The following CDH18 variants were observed in gnomAD, a reference collection of about 807,000 sequenced individuals.
The protein encoded by CDH18 is cadherin-18.
A neutral mutation model predicts 67.9 loss-of-function variants in CDH18; 31 were observed. The ratio of observed to expected loss-of-function variants is 0.46; its 90% CI spans 0.34 to 0.62. The LOEUF (loss-of-function observed/expected upper bound fraction) is 0.62, where lower values mean the gene tolerates loss of function less well. Ranked by LOEUF, CDH18 falls within the 20% of genes least tolerant of loss-of-function variation. CDH18 has a pLI of 0.01. For synonymous variants in CDH18, 362 were observed against 347.2 expected (o/e 1.04, Z -0.48); for missense variants, 890 against 975.5 (o/e 0.91, Z 1.17).
intron 1 of CDH18, among the ~76,000 whole-genome samples, chr5:20,398,191 G>A (rs1745442390): frequency 6.6e-6 from 1 of 152,076 alleles, no homozygotes; most frequent in Non-Finnish European, 1.5e-5. Flanking sequence ...TATTAAGTGT[G>A]TGGTATTTTA....
chr5:19,631,759 A>G (rs1440465625), intron 5 of CDH18, among the ~76,000 whole-genome samples: 1 of 152,150 alleles, frequency 6.6e-6, no homozygotes, highest in Admixed American at 6.5e-5. Context: ...TATCATTGGC[A>G]TTTATATGTG....
intron 1 of CDH18, among the ~76,000 whole-genome samples, chr5:20,385,212 T>C (rs1744220530): frequency 6.6e-6 from 1 of 152,124 alleles, no homozygotes; most frequent in Non-Finnish European, 1.5e-5. Context: ...GAGAAATCCA[T>C]AAAACACCAA....
intron 1 of CDH18, among the ~76,000 whole-genome samples, chr5:20,381,033 C>T (rs1580868281): frequency 1.3e-5 from 2 of 151,976 alleles, no homozygotes; most frequent in Non-Finnish European, 1.5e-5. Flanking sequence ...CCTAATCCAG[C>T]CTCACATCTG....
rs1428417029 is a variant in CDH18, at chr5:20,195,855, T to C, written c.-518+59589A>G. On this transcript the variant is annotated intron_variant, in intron 2 of 14. Coordinates refer to the CDH18 transcript ENST00000507958. Reference sequence around the variant, plus strand: ...GCTTTTGTAAATATTGAGACACTTTTACTTAATCACTTAATGGAAAGTGTG... The same window carrying C: ...GCTTTTGTAAATATTGAGACACTTTCACTTAATCACTTAATGGAAAGTGTG... Among the ~76,000 whole-genome samples the C allele has an allele frequency of 3.3e-5, 5 of 152,182 alleles. No homozygotes were observed. The East Asian group carries it at 9.6e-4, about 29-fold the overall frequency.
rs138793136 is a variant in CDH18, at chr5:19,730,353, T to C, written c.524-8887A>G. 8.9e-3 allele frequency among the ~76,000 whole-genome samples: 1,355 copies of C among 152,328 alleles called. 15 individuals are homozygous for C. Among genetic ancestry groups the C allele is most frequent in the Non-Finnish European group, 0.011 (727 of 68,026 alleles). ...TCTCCCCAATGCTCCTTTATCCATT[T>C]TGAAAGTAATGACTACACACTACCA... On this transcript the variant is annotated intron_variant, in intron 4 of 12. Transcript: ENST00000382275.
chr5:19,724,378 G>T (rs76823816), intron 4 of CDH18, among the ~76,000 whole-genome samples: 87 of 152,272 alleles, frequency 5.7e-4, no homozygotes, highest in African/African-American at 2.0e-3. Context: ...GAGCAAGGAA[G>T]TTTGGTATAG....
chr5:20,068,975 A>C (rs1743208159), intron 2 of CDH18, among the ~76,000 whole-genome samples: 1 of 152,150 alleles, frequency 6.6e-6, no homozygotes, highest in Non-Finnish European at 1.5e-5. Context: ...GTCACGCTGA[A>C]ATTTTTTTGC....
At chr5:19,727,382 C>T (rs1270329707) in intron 4 of CDH18, among the ~76,000 whole-genome samples, 1 of 152,128 alleles carries the variant, frequency 6.6e-6, no homozygotes, top group Non-Finnish European at 1.5e-5. Flanking sequence ...ACAGGCATAA[C>T]ATCATGTGAA....
At chr5:19,622,448 G>A (rs1399032167) in intron 5 of CDH18, among the ~76,000 whole-genome samples, 1 of 152,104 alleles carries the variant, frequency 6.6e-6, no homozygotes, top group Non-Finnish European at 1.5e-5. Flanking sequence ...AGGGATTAAC[G>A]AAGCCTCCTA....
rs1413098361 is a variant in CDH18 at position 19,591,154 on chromosome 5, G to C, written c.902C>G (p.Ala301Gly). The C allele has an allele frequency of 6.2e-7, 1 of 1,612,218 alleles. No homozygotes were observed. The highest frequency in any genetic ancestry group is 8.5e-7 in the Non-Finnish European group (1 of 1,178,700). ...KANDADTGSN[A>G]DMTYSIINGD... ...ATTTATGATGGAGTAGGTCATGTCA[G>C]CATTTGAGCCAGTGTCAGCATCATT... is the stretch of plus-strand genomic sequence containing the variant. The change falls in exon 7 of 13, where the codon GCT becomes GGT. Residue 301 changes from alanine to glycine, a missense_variant. Ala to Gly is a moderately conservative substitution (Grantham distance 60). This residue lies in a region of CDH18 where 656 missense variants were observed against 668.1 expected (regional missense o/e 0.98). Coordinates refer to ENST00000382275, the MANE Select transcript of CDH18 (RefSeq NM_004934.5).
In CDH18 at chr5:20,034,608, G is replaced by A. The variant is rs78628869; in HGVS notation, c.-517-42594C>T. Among the ~76,000 whole-genome samples the A allele has an allele frequency of 0.022, 3,388 of 152,130 alleles. 186 individuals carry two copies. The East Asian group carries it at 0.25, about 11-fold the overall frequency. ...AGGTCTGAATATTTTCTCTGCCTGAGTTTCTTCAAGCTAGGACATCAGCCT... is the reference window on the plus strand; with the variant it reads ...AGGTCTGAATATTTTCTCTGCCTGAATTTCTTCAAGCTAGGACATCAGCCT... On this transcript the variant is annotated intron_variant, in intron 2 of 14. Transcript: ENST00000507958.
chr5:20,398,200 T>A (rs1179607899), intron 1 of CDH18, among the ~76,000 whole-genome samples: 2 of 152,200 alleles, frequency 1.3e-5, no homozygotes, highest in African/African-American at 4.8e-5. Flanking sequence ...TGTGGTATTT[T>A]AAATTATTAT....
intron 2 of CDH18, among the ~76,000 whole-genome samples, chr5:20,108,015 T>G (rs1747121844): frequency 6.6e-6 from 1 of 150,864 alleles, no homozygotes; most frequent in South Asian, 2.1e-4. Flanking sequence ...TCATATTGAA[T>G]GGGGATTAGG....
intron 1 of CDH18, among the ~76,000 whole-genome samples, chr5:20,341,862 G>C (rs1278583239): frequency 6.6e-6 from 1 of 152,024 alleles, no homozygotes; most frequent in Non-Finnish European, 1.5e-5. Flanking sequence ...CTGATCATGA[G>C]AAGCAAGGAG....
Position 20,433,400 on chromosome 5 carries a change from G to A in CDH18, c.-580+142062C>T, listed in dbSNP as rs530646152. On this transcript the variant is annotated intron_variant, in intron 1 of 14. Coordinates refer to the CDH18 transcript ENST00000507958. ...AGCCTTGTTTTCTACATAAAGTATT[G>A]TCTCAAGTTTCCTCTTTTTGGACAA... is the stretch of plus-strand genomic sequence containing the variant. Among the ~76,000 whole-genome samples the A allele has an allele frequency of 5.3e-5, 8 of 151,886 alleles. No homozygotes were observed. The South Asian group carries it at 1.5e-3, about 28-fold the overall frequency.
chr5:20,015,102 A>G (rs1737768373), intron 2 of CDH18, among the ~76,000 whole-genome samples: 1 of 152,150 alleles, frequency 6.6e-6, no homozygotes, highest in African/African-American at 2.4e-5. Flanking sequence ...AGGGTTTTCT[A>G]TAGGGTTTCT....
chr5:19,576,354 G>T (rs1742312026), intron 7 of CDH18, among the ~76,000 whole-genome samples: 1 of 151,288 alleles, frequency 6.6e-6, no homozygotes, highest in Admixed American at 6.6e-5. Flanking sequence ...ATCGGATAAG[G>T]GCCAATATCC....
chr5:19,518,121 A>G (rs1746324541), intron 10 of CDH18, among the ~76,000 whole-genome samples: 1 of 151,996 alleles, frequency 6.6e-6, no homozygotes, highest in African/African-American at 2.4e-5. Context: ...CTATAAAAGT[A>G]TTTACTGGTT....
intron 2 of CDH18, among the ~76,000 whole-genome samples, chr5:20,094,338 C>T (rs971998170): frequency 6.6e-6 from 1 of 152,046 alleles, no homozygotes; most frequent in African/African-American, 2.4e-5. Flanking sequence ...GTTTTGGTAC[C>T]AGTACCATGC....
Sources: allele counts gnomAD v4.1 joint callset (sites outside exome capture counted in the v4.1 genomes callset), GRCh38; gene constraint gnomAD v4.1.1; regional missense constraint gnomAD v4.1.1; transcripts MANE v1.5; gene names NCBI Gene and HGNC (gene_info 2026-07-23, HGNC 2026-07-21).